The following MMS19 variants were observed in gnomAD, a reference collection of about 807,000 sequenced individuals.
MMS19 encodes MMS19 cytosolic iron-sulfur assembly component, also known as MMS19 nucleotide excision repair protein homolog.
A neutral mutation model predicts 129.8 loss-of-function variants in MMS19; 77 were observed. That is an observed-to-expected ratio of 0.59 (90% CI 0.49 to 0.72). The LOEUF (loss-of-function observed/expected upper bound fraction) is 0.72, where lower values mean the gene tolerates loss of function less well. MMS19 is among the 30% of genes least tolerant of loss of function. The pLI is 0.00. For synonymous variants in MMS19, 491 were observed against 502.8 expected (o/e 0.98, Z 0.31); for missense variants, 1,168 against 1,266.3 (o/e 0.92, Z 1.18).
At position 97,458,417 on chromosome 10, in the gene MMS19, C is replaced by T. The variant is rs984489457; in HGVS notation, c.*275G>A. Reference sequence around the variant, plus strand: ...CTCATATGCACTCACCCCTCAGCAGCATATCGCCCCTTTTCTGACATATAA... The same window carrying T: ...CTCATATGCACTCACCCCTCAGCAGTATATCGCCCCTTTTCTGACATATAA... On this transcript the variant is annotated 3_prime_UTR_variant, in exon 31 of 31. Coordinates refer to ENST00000438925, the MANE Select transcript of MMS19 (RefSeq NM_022362.5). 7 of 462,850 alleles carry T rather than the reference C, an allele frequency of 1.5e-5. No individual in the cohort carries two copies. Among genetic ancestry groups the T allele is most frequent in the African/African-American group, 1.4e-4 (7 of 50,998 alleles). The allele number at this position is 462,850 out of a possible 1,614,324, so 28.7% of individuals were successfully genotyped here.
intron 14 of MMS19, 90 bp from the exon 15 acceptor site, chr10:97,466,991 T>G: frequency 9.4e-7 from 1 of 1,059,576 alleles, no homozygotes; most frequent in South Asian, 1.8e-5. Flanking sequence ...CTGGGGTAGA[T>G]TTTTTTTTTG....
intron 1 of MMS19, among the ~76,000 whole-genome samples, chr10:97,491,881 C>T (rs2135551000): frequency 6.6e-6 from 1 of 152,178 alleles, no homozygotes; most frequent in Admixed American, 6.5e-5. Flanking sequence ...TGGCTCATGC[C>T]AGTAATCCTA....
intron 1 of MMS19, among the ~76,000 whole-genome samples, chr10:97,493,614 A>G (rs1271694701): frequency 6.6e-6 from 1 of 152,234 alleles, no homozygotes; most frequent in Non-Finnish European, 1.5e-5. Flanking sequence ...AGTGATATAA[A>G]CAGAGATTGG....
intron 18 of MMS19, among the ~76,000 whole-genome samples, chr10:97,465,519 G>A (rs2033266890): frequency 6.6e-6 from 1 of 152,122 alleles, no homozygotes; most frequent in African/African-American, 2.4e-5. Context: ...TGGCTAAGTT[G>A]GTCTCAAATT....
Position 97,466,893 on chromosome 10 carries a change from G to T in MMS19, c.1306C>A (p.Pro436Thr). 1 of 1,613,908 alleles carries T rather than the reference G, an allele frequency of 6.2e-7. No individual in the cohort carries two copies. The highest frequency in any genetic ancestry group is 8.5e-7 in the Non-Finnish European group (1 of 1,179,864). The change falls in exon 15 of 31, where the codon CCT becomes ACT. Residue 436 changes from proline to threonine, a missense_variant. Transcript: ENST00000438925. The stretch of plus-strand genomic sequence containing the variant: ...AGCTGGTCCTTGAAGCCATTCAGAG[G>T]CCTTTGATCTAGGGAAGAGACAGAG... ...KWSYEDKDQR[P>T]LNGFKDQLCS...
chr10:97,478,518 G>T, intron 3 of MMS19, 129 bp from the exon 4 acceptor site: 1 of 662,582 alleles, frequency 1.5e-6, no homozygotes, highest in Non-Finnish European at 2.7e-6. Flanking sequence ...TTCACCAAGA[G>T]ACATGTCCTG....
chr10:97,482,737 TACACACACACACAC>T lies in MMS19; in HGVS notation c.161+1352_161+1365del, dbSNP rs764606344. 3.0e-4 allele frequency among the ~76,000 whole-genome samples: 30 copies of T among 98,446 alleles called. No homozygotes were observed. In the South Asian group the frequency reaches 9.4e-3, roughly 31 times the overall value. 64.6% of individuals were successfully genotyped at this position (98,446 alleles called of 152,430 possible). A position where few individuals can be genotyped will look rare whatever the true frequency, so the allele number is the denominator to read the frequency against. ...GTGTGTGTGTGTGTGTGTATATATA[TACACACACACACAC>T]ACACACACACACACACATATATTTT... On this transcript the variant is annotated intron_variant, in intron 2 of 30. Transcript: ENST00000438925.
chr10:97,481,242 C>T (rs1483734321), intron 2 of MMS19, among the ~76,000 whole-genome samples, 200 bp from the exon 3 acceptor site: 1 of 152,114 alleles, frequency 6.6e-6, no homozygotes, highest in East Asian at 1.9e-4. Context: ...TAAGAGCGAT[C>T]CTCAGACTGA....
chr10:97,464,040 A>G, intron 18 of MMS19, 27 bp from the exon 19 acceptor site: 1 of 1,599,688 alleles, frequency 6.3e-7, no homozygotes, highest in Non-Finnish European at 8.5e-7. Context: ...GTTCTCTGTA[A>G]GGTTTGCTTA....
Position 97,468,403 on chromosome 10 carries a change from C to T in MMS19, c.1067G>A (p.Cys356Tyr). 6.2e-7 allele frequency: 1 copy of T among 1,604,438 alleles called. No homozygotes were observed. The highest frequency in any genetic ancestry group is 8.5e-7 in the Non-Finnish European group (1 of 1,173,932). The stretch of plus-strand genomic sequence containing the variant: ...GTCCGGTTCACACAGGTGGTGCCTG[C>T]AGTCTAGAGAAGCAGCACATCACAG... The part of the protein sequence containing the change: ...DSFLSNILQD[C>Y]RHHLCEPDMK... Residue 356 changes from cysteine (C) to tyrosine (Y), a missense_variant, in exon 13 of 31, where the codon TGC becomes TAC. Coordinates refer to ENST00000438925, the MANE Select transcript of MMS19 (RefSeq NM_022362.5).
chr10:97,460,816 G>C (rs762559366), intron 24 of MMS19, 65 bp from the exon 25 acceptor site: 12 of 1,538,816 alleles, frequency 7.8e-6, no homozygotes, highest in Non-Finnish European at 7.1e-6. Context: ...CTGAGACATA[G>C]ATGTTTATGG....
Position 97,469,116 on chromosome 10 carries a change from G to T in MMS19, c.925-12C>A. On this transcript the variant is annotated splice_polypyrimidine_tract_variant and intron_variant, in intron 11 of 30. Transcript: ENST00000438925. ...GCCGTCTGGAACACCTGTCAGGGAG[G>T]GATCCCATGGCTACTGAGGTGAGCC... 6.4e-7 allele frequency: 1 copy of T among 1,565,410 alleles called. No homozygotes were observed. Among genetic ancestry groups the T allele is most frequent in the East Asian group, 2.3e-5 (1 of 42,656 alleles).
chr10:97,469,953 G>A (rs1042646036), intron 10 of MMS19, among the ~76,000 whole-genome samples, 176 bp downstream of exon 10: 1 of 152,168 alleles, frequency 6.6e-6, no homozygotes, highest in Non-Finnish European at 1.5e-5. Flanking sequence ...TATGGGATGG[G>A]GGATGGGACA....
intron 5 of MMS19, 136 bp downstream of exon 5, chr10:97,477,719 C>T (rs1194594692): frequency 2.9e-6 from 2 of 688,402 alleles, no homozygotes; most frequent in Non-Finnish European, 2.5e-6. Flanking sequence ...TATAAACATA[C>T]TGAAGAAGAG....
At chr10:97,498,792 A>C, upstream of MMS19, 2 of 264,104 alleles carry the variant, frequency 7.6e-6, no homozygotes, top group East Asian at 8.4e-5. Flanking sequence ...CGGCGCGGGC[A>C]CCGCGAGCCG....
Position 97,481,042 on chromosome 10 carries a change from C to A in MMS19, c.162G>T (p.Gly54=). The change falls in exon 3 of 31, where the codon GGG becomes GGT. Residue 54 remains glycine (G), a splice_region_variant and synonymous_variant. Coordinates refer to ENST00000438925, the MANE Select transcript of MMS19 (RefSeq NM_022362.5). ...YTVLQVVEAL[G]SSLENPEPRT... is the part of the protein sequence containing the mutation. The stretch of plus-strand genomic sequence containing the variant: ...GGGGTTCTGGATTCTCTAGAGAGGA[C>A]CTAGGGGAAAACAGGATAGAGAGAA... The A allele has an allele frequency of 6.3e-7, 1 of 1,575,572 alleles. No individual in the cohort carries two copies. Among genetic ancestry groups the A allele is most frequent in the African/African-American group, 1.3e-5 (1 of 74,318 alleles).
intron 2 of MMS19, among the ~76,000 whole-genome samples, chr10:97,482,516 G>A (rs999119453): frequency 3.3e-5 from 5 of 152,070 alleles, no homozygotes; most frequent in African/African-American, 1.2e-4. Context: ...AGTGATTGCT[G>A]GGGGTTGGGA....
intron 8 of MMS19, among the ~76,000 whole-genome samples, chr10:97,473,512 G>A (rs1314480281): frequency 6.6e-6 from 1 of 150,996 alleles, no homozygotes; most frequent in Non-Finnish European, 1.5e-5. Flanking sequence ...AGGAATATGT[G>A]AACTCAGGAA....
At chr10:97,487,060 C>T (rs1304847781) in intron 1 of MMS19, among the ~76,000 whole-genome samples, 1 of 150,816 alleles carries the variant, frequency 6.6e-6, no homozygotes, top group East Asian at 1.9e-4. Context: ...TTGTAATTTT[C>T]CATAATAAAA....
Sources: allele counts gnomAD v4.1 joint callset (sites outside exome capture counted in the v4.1 genomes callset), GRCh38; gene constraint gnomAD v4.1.1; transcripts MANE v1.5; gene names NCBI Gene and HGNC (gene_info 2026-07-23, HGNC 2026-07-21).